Variants in PCDH9 observed in about 807,000 individuals in gnomAD.
The protein encoded by PCDH9 is protocadherin 9, also known as protocadherin-9.
PCDH9 carries 24 observed loss-of-function variants against 70.6 expected under a neutral mutation model. The observed-to-expected ratio is 0.34, with a 90% CI of 0.25 to 0.48. PCDH9 has a LOEUF of 0.48. Ranked by LOEUF, PCDH9 falls within the 20% of genes least tolerant of loss-of-function variation. The pLI, the probability that PCDH9 is intolerant of heterozygous loss-of-function variation, is 0.99. For missense variants in PCDH9, 1,281 were observed against 1,503.6 expected (o/e 0.85, Z 2.45); for synonymous variants, 562 against 558.5 (o/e 1.01, Z -0.09).
intron 3 of PCDH9, among the ~76,000 whole-genome samples, chr13:66,883,805 TG>T (rs1332595910): frequency 1.3e-5 from 2 of 152,254 alleles, no homozygotes; most frequent in Non-Finnish European, 2.9e-5. Flanking sequence ...GTTTGAGAAG[TG>T]CTCACTCTTC....
chr13:66,837,459 AC>A (rs1183028649), intron 3 of PCDH9, among the ~76,000 whole-genome samples: 1 of 152,014 alleles, frequency 6.6e-6, no homozygotes, highest in Non-Finnish European at 1.5e-5. Context: ...GGCTCCAAAG[AC>A]CCTGCCCACG....
At chr13:67,166,735 T>C (rs1363920517) in intron 2 of PCDH9, among the ~76,000 whole-genome samples, 1 of 152,188 alleles carries the variant, frequency 6.6e-6, no homozygotes, top group East Asian at 1.9e-4. Flanking sequence ...GTTCTTTCCA[T>C]AGCAAAACGT....
intron 2 of PCDH9, among the ~76,000 whole-genome samples, chr13:67,156,121 AC>A (rs1278343143): frequency 6.6e-6 from 1 of 151,690 alleles, no homozygotes; most frequent in Admixed American, 6.6e-5. Context: ...CTAGGGCTCC[AC>A]CCCCACCGAC....
intron 3 of PCDH9, among the ~76,000 whole-genome samples, chr13:66,850,044 C>A (rs2081288629): frequency 6.6e-6 from 1 of 151,956 alleles, no homozygotes; most frequent in Non-Finnish European, 1.5e-5. Flanking sequence ...TACCAATTTC[C>A]TTTTTAGTGG....
chr13:66,701,403 G>A (rs2078646585), intron 3 of PCDH9, among the ~76,000 whole-genome samples: 1 of 151,990 alleles, frequency 6.6e-6, no homozygotes, highest in South Asian at 2.1e-4. Context: ...ATATATGTGT[G>A]TGCATATATA....
intron 4 of PCDH9, among the ~76,000 whole-genome samples, chr13:66,343,216 C>G (rs569005451): frequency 4.0e-4 from 61 of 152,208 alleles, no homozygotes; most frequent in African/African-American, 1.4e-3. Context: ...GCTAATGTAA[C>G]AAATTACTCC....
chr13:66,364,291 T>TTATCTACA (rs1956518914), intron 4 of PCDH9, among the ~76,000 whole-genome samples: 1 of 152,238 alleles, frequency 6.6e-6, no homozygotes, highest in African/African-American at 2.4e-5. Flanking sequence ...GATTTGATTG[T>TTATCTACA]TATCTACATA....
intron 3 of PCDH9, among the ~76,000 whole-genome samples, chr13:66,807,771 A>G (rs911673499): frequency 2.0e-5 from 3 of 152,220 alleles, no homozygotes; most frequent in African/African-American, 4.8e-5. Context: ...CCTTTGTGTT[A>G]TATAAAGTAC....
intron 3 of PCDH9, among the ~76,000 whole-genome samples, chr13:66,700,604 C>A (rs2078625554): frequency 6.6e-6 from 1 of 152,020 alleles, no homozygotes; most frequent in Non-Finnish European, 1.5e-5. Context: ...GGAAGGCCAG[C>A]TTGAAAATAC....
chr13:67,072,955 T>A (rs945167301), intron 2 of PCDH9, among the ~76,000 whole-genome samples: 1 of 152,100 alleles, frequency 6.6e-6, no homozygotes, highest in African/African-American at 2.4e-5. Context: ...AAAAGAAAAA[T>A]TTTGAAATAA....
chr13:67,209,616 T>C (rs1438013581), intron 2 of PCDH9: 3 of 152,088 alleles, frequency 2.0e-5, no homozygotes, highest in East Asian at 1.9e-4. Flanking sequence ...TGCAAGCAAA[T>C]TGAGTTATTA....
chr13:66,759,592 T>G (rs2079590541), intron 3 of PCDH9, among the ~76,000 whole-genome samples: 1 of 152,096 alleles, frequency 6.6e-6, no homozygotes, highest in Non-Finnish European at 1.5e-5. Context: ...TCTTCCTCAT[T>G]TAGTTTGTTT....
chr13:66,808,446 A>C (rs8000196), intron 3 of PCDH9, among the ~76,000 whole-genome samples: 147,967 of 152,158 alleles, frequency 0.97, 72,075 homozygotes, highest in East Asian at 1. Context: ...ACGATAATAT[A>C]TTTAAAAATA....
chr13:66,747,707 T>C (rs1041463126), intron 3 of PCDH9, among the ~76,000 whole-genome samples: 3 of 152,156 alleles, frequency 2.0e-5, no homozygotes, highest in African/African-American at 7.2e-5. Flanking sequence ...ATATTCTCAA[T>C]GTATATTTTT....
intron 2 of PCDH9, chr13:67,219,311 G>T (rs1177966426): frequency 6.6e-6 from 1 of 152,000 alleles, no homozygotes; most frequent in African/African-American, 2.4e-5. Flanking sequence ...TGTTTCTGGT[G>T]ACTGACAGCC....
chr13:66,801,032 C>T (rs1193136647), intron 3 of PCDH9, among the ~76,000 whole-genome samples: 6 of 141,290 alleles, frequency 4.2e-5, no homozygotes, highest in Non-Finnish European at 7.7e-5. Context: ...TTTTTTTCGC[C>T]ACAGCAAATA....
At chr13:66,653,334 T>C (rs2077879087) in intron 3 of PCDH9, among the ~76,000 whole-genome samples, 1 of 152,102 alleles carries the variant, frequency 6.6e-6, no homozygotes. Flanking sequence ...ATTAATCTGA[T>C]TGTAAAATGG....
At chr13:66,828,810 A>AAAAAAAAAAAAAATAATAAT (rs71207607) in intron 3 of PCDH9, among the ~76,000 whole-genome samples, 37 of 148,664 alleles carry the variant, frequency 2.5e-4, no homozygotes, top group African/African-American at 8.9e-4. Flanking sequence ...GCCATACATA[A>AAAAAAAAAAAAAATAATAAT]AATAATAATA....
intron 2 of PCDH9, among the ~76,000 whole-genome samples, chr13:67,105,347 C>T (rs530330407): frequency 6.6e-6 from 1 of 151,848 alleles, no homozygotes; most frequent in South Asian, 2.1e-4. Flanking sequence ...GAAATAAAAA[C>T]ATAAGGAGCA....
Sources: allele counts gnomAD v4.1 joint callset (sites outside exome capture counted in the v4.1 genomes callset), GRCh38; gene constraint gnomAD v4.1.1; transcripts MANE v1.5; gene names NCBI Gene and HGNC (gene_info 2026-07-23, HGNC 2026-07-21).